PLXNA2: variants seen among roughly 807,000 people sequenced by gnomAD.
PLXNA2 encodes plexin-A2.
Under a neutral mutation model 193.5 loss-of-function variants are expected in PLXNA2, and 91 were observed. The observed-to-expected ratio is 0.47, with a 90% CI of 0.40 to 0.56. The LOEUF (loss-of-function observed/expected upper bound fraction) is 0.56, where lower values mean the gene tolerates loss of function less well. PLXNA2 is among the 20% of genes least tolerant of loss of function. The pLI is 0.00. For missense variants in PLXNA2, 1,995 were observed against 2,503.2 expected (o/e 0.80, Z 4.33); for synonymous variants, 997 against 1,027.3 (o/e 0.97, Z 0.56).
rs1664479596 is a variant in PLXNA2, at chr1:208,030,802, G to T, written c.5225+788C>A. 5 of 985,302 alleles carry T rather than the reference G, an allele frequency of 5.1e-6. No individual in the cohort carries two copies. In the South Asian group the frequency reaches 1.9e-4, roughly 37 times the overall value. The allele number at this position is 985,302 out of a possible 1,614,324, so 61.0% of individuals were successfully genotyped here. On this transcript the variant is annotated intron_variant, in intron 29 of 31. Transcript: ENST00000367033. ...TCCCCTCTCTGTGCTCTTTCCCAAAGGAAGCCTTTTGATGCCAGCTCTTGG... is the reference window on the plus strand; with the variant it reads ...TCCCCTCTCTGTGCTCTTTCCCAAATGAAGCCTTTTGATGCCAGCTCTTGG...
chr1:208,130,044 C>G (rs1322287360), intron 4 of PLXNA2, among the ~76,000 whole-genome samples: 1 of 152,192 alleles, frequency 6.6e-6, no homozygotes, highest in African/African-American at 2.4e-5. Context: ...TCAGCCTTCT[C>G]ATCACCTGGT....
At chr1:208,203,925 A>G (rs375069356) in intron 3 of PLXNA2, among the ~76,000 whole-genome samples, 39 of 152,326 alleles carry the variant, frequency 2.6e-4, no homozygotes, top group African/African-American at 8.9e-4. Flanking sequence ...GGTGCTCCTG[A>G]TGGATTCTTT....
chr1:208,051,379 T>C lies in PLXNA2; in HGVS notation c.3038A>G (p.Asn1013Ser). The C allele has an allele frequency of 1.9e-6, 3 of 1,612,746 alleles. No individual in the cohort carries two copies. The highest frequency in any genetic ancestry group is 1.7e-4 in the Middle Eastern group (1 of 6,052). Residue 1013 changes from asparagine (N) to serine (S), a missense_variant, in exon 16 of 32, where the codon AAT (asparagine) becomes AGT (serine). By Grantham distance (46) the Asn-to-Ser change is conservative. Transcript: ENST00000367033. ...AGAAACAGGGACCGGGCCAAGGCCA[T>C]TGGATGATGGGGGTGAGACACACAC... Reference protein sequence around the residue: ...EIVCVSPPSSNGLGPVPVSVS... With the variant: ...EIVCVSPPSSSGLGPVPVSVS...
intron 4 of PLXNA2, among the ~76,000 whole-genome samples, chr1:208,122,130 G>T (rs1239596625): frequency 6.6e-6 from 1 of 152,134 alleles, no homozygotes; most frequent in Non-Finnish European, 1.5e-5. Flanking sequence ...TTCTAAACAG[G>T]ATTAGAGTCT....
In PLXNA2 at chr1:208,237,039, C is replaced by T. The variant is rs766160320; in HGVS notation, c.-81+6604G>A. Among the ~76,000 whole-genome samples the T allele has an allele frequency of 7.2e-5, 11 of 152,314 alleles. No individual in the cohort carries two copies. The South Asian group carries it at 8.3e-4, about 11-fold the overall frequency. On this transcript the variant is annotated intron_variant, in intron 1 of 31. Transcript: ENST00000367033. ...GAGACAGCCTTTGAGTTGAAATCTT[C>T]GTCCTTCTAACCTTTCTCCATTAGC...
Position 208,033,415 on chromosome 1 carries a change from A to G in PLXNA2, c.4959T>C (p.His1653=). ...CACCGTGGTCATGGTTCTTCACCAG[A>G]TGCCACACCTTGACCCCACTTTCCA... ...PDLESGVKVW[H]LVKNHDHGDQ... Residue 1653 remains histidine (H), a synonymous_variant, in exon 28 of 32, where the codon CAT becomes CAC. Transcript: ENST00000367033. The G allele has an allele frequency of 6.2e-7, 1 of 1,614,142 alleles. No homozygotes were observed. The highest frequency in any genetic ancestry group is 8.5e-7 in the Non-Finnish European group (1 of 1,180,010).
intron 22 of PLXNA2, among the ~76,000 whole-genome samples, chr1:208,041,769 G>A (rs568900471): frequency 1.3e-5 from 2 of 152,322 alleles, no homozygotes; most frequent in African/African-American, 4.8e-5. Context: ...TTCTCATTTT[G>A]TCTAGGAGGA....
intron 3 of PLXNA2, among the ~76,000 whole-genome samples, chr1:208,188,075 G>A (rs1252774755): frequency 3.9e-5 from 6 of 152,240 alleles, no homozygotes; most frequent in South Asian, 2.1e-4. Flanking sequence ...CACCAGTGAC[G>A]CGCACCTGAA....
At chr1:208,105,745 C>T (rs774481049) in intron 4 of PLXNA2, among the ~76,000 whole-genome samples, 57 of 152,202 alleles carry the variant, frequency 3.7e-4, no homozygotes, top group Non-Finnish European at 6.8e-4. Flanking sequence ...GGGAGGCTTC[C>T]GCTGGCCCCC....
In PLXNA2 at chr1:208,082,393, C is replaced by A. The variant is rs1428765987; in HGVS notation, c.2395+19G>T. 6 of 1,604,394 alleles carry A rather than the reference C, an allele frequency of 3.7e-6. No homozygotes were observed. The Admixed American group carries it at 5.0e-5, about 13-fold the overall frequency. ...GGGTCGTGAAAAGATCAAACTTCTA[C>A]CCGGAAGTAGCCGCTTACCTTTCAG... On this transcript the variant is annotated intron_variant, in intron 11 of 31. Coordinates refer to ENST00000367033, the MANE Select transcript of PLXNA2 (RefSeq NM_025179.4). The surrounding 1 kb of genome is among the most constrained non-coding windows in gnomAD (Gnocchi z 4.2).
chr1:208,169,477 G>A (rs1185775383), intron 3 of PLXNA2, among the ~76,000 whole-genome samples: 2 of 152,210 alleles, frequency 1.3e-5, no homozygotes, highest in Non-Finnish European at 2.9e-5. Context: ...GCAAATTACT[G>A]CTGCACCCAA....
At chr1:208,200,900 C>G (rs572333638) in intron 3 of PLXNA2, among the ~76,000 whole-genome samples, 3 of 152,304 alleles carry the variant, frequency 2.0e-5, no homozygotes, top group Non-Finnish European at 2.9e-5. Context: ...ACAACCGCGC[C>G]TGGCCTCCAA....
At chr1:208,170,431 G>A (rs540390388) in intron 3 of PLXNA2, among the ~76,000 whole-genome samples, 283 of 152,310 alleles carry the variant, frequency 1.9e-3, no homozygotes, top group African/African-American at 5.8e-3. Context: ...AAGCAGGGGC[G>A]GGTGGATCTG....
intron 3 of PLXNA2, among the ~76,000 whole-genome samples, chr1:208,164,314 C>T (rs185032346): frequency 1.1e-4 from 17 of 152,278 alleles, no homozygotes; most frequent in African/African-American, 1.7e-4. Context: ...CCTGAGGAGG[C>T]GGAAGAGGAG....
intron 4 of PLXNA2, among the ~76,000 whole-genome samples, chr1:208,129,868 C>T (rs1362810159): frequency 6.6e-6 from 1 of 152,220 alleles, no homozygotes; most frequent in African/African-American, 2.4e-5. Flanking sequence ...TATTTAATGG[C>T]TAAGTGGCTA....
intron 12 of PLXNA2, among the ~76,000 whole-genome samples, chr1:208,076,468 T>G (rs1278625756): frequency 6.6e-6 from 1 of 152,198 alleles, no homozygotes; most frequent in Non-Finnish European, 1.5e-5. Context: ...CTATCAATTT[T>G]TATGTTCTTG....
intron 3 of PLXNA2, among the ~76,000 whole-genome samples, chr1:208,175,336 G>A (rs548958122): frequency 3.9e-5 from 6 of 152,314 alleles, no homozygotes; most frequent in African/African-American, 7.2e-5. Flanking sequence ...ACAGTGAACT[G>A]TGGACTCCAG....
At chr1:208,118,657 G>A (rs945029770) in intron 4 of PLXNA2, among the ~76,000 whole-genome samples, 18 of 152,088 alleles carry the variant, frequency 1.2e-4, no homozygotes, top group Non-Finnish European at 1.8e-4. Flanking sequence ...TCCCTGAATG[G>A]CTGCCTCAAA....
intron 3 of PLXNA2, among the ~76,000 whole-genome samples, chr1:208,162,926 A>G (rs1669178032): frequency 6.6e-6 from 1 of 152,222 alleles, no homozygotes; most frequent in South Asian, 2.1e-4. Flanking sequence ...TGACTCTGCT[A>G]AGTGCTGTAA....
Sources: gnomAD v4.1 joint callset for allele counts (sites outside exome capture counted in the v4.1 genomes callset) on GRCh38, gnomAD v4.1.1 for gene constraint, Gnocchi (gnomAD v3.1) non-coding constraint, MANE v1.5 for transcripts, NCBI Gene and HGNC (gene_info 2026-07-23, HGNC 2026-07-21) for gene names.